SUSD5: variants seen among roughly 807,000 people sequenced by gnomAD.
SUSD5 encodes sushi domain-containing protein 5.
A neutral mutation model predicts 29.5 loss-of-function variants in SUSD5; 33 were observed. The observed-to-expected ratio is 1.12, with a 90% CI of 0.85 to 1.49. SUSD5 has a LOEUF of 1.49. Among genes scored for constraint, SUSD5 ranks in the 40% most tolerant of loss-of-function variants. The pLI is 0.00. For missense variants in SUSD5, 776 were observed against 800.6 expected, an observed-to-expected ratio of 0.97 and a Z score of 0.37; for synonymous variants, 308 against 325.3, an observed-to-expected ratio of 0.95 and a Z score of 0.57.
At chr3:33,211,906 T>C (rs1042258409) in intron 2 of SUSD5, among the ~76,000 whole-genome samples, 7 of 152,168 alleles carry the variant, frequency 4.6e-5, no homozygotes, top group Non-Finnish European at 8.8e-5. Context: ...TTTGAGTTGA[T>C]TTTTATATGA....
intron 4 of SUSD5, among the ~76,000 whole-genome samples, chr3:33,170,784 G>A (rs572279695): frequency 6.6e-6 from 1 of 152,332 alleles, no homozygotes; most frequent in South Asian, 2.1e-4. Context: ...GACAGTTGAA[G>A]TCACAGGCTG....
Position 33,153,510 on chromosome 3 carries a change from GT to G in SUSD5, c.1121del (p.Tyr374SerfsTer3). On this transcript the variant is annotated frameshift_variant, in exon 5 of 5. Coordinates refer to ENST00000309558, the MANE Select transcript of SUSD5 (RefSeq NM_015551.2). LOFTEE classifies it low-confidence loss of function (END_TRUNC). ...SSSDESWLDG[Y>X]PVTEGAWRKT... is the part of the protein sequence containing the mutation. ...TCCTCCAAGCCCCCTCTGTCACAGG[GT>G]AGCCATCTAACCAGGACTCATCACT... 6.2e-7 allele frequency: 1 copy of G among 1,613,956 alleles called. No homozygotes were observed. Among genetic ancestry groups the G allele is most frequent in the Non-Finnish European group, 8.5e-7 (1 of 1,179,970 alleles).
At chr3:33,183,829 TTTA>T (rs535025609) in intron 3 of SUSD5, among the ~76,000 whole-genome samples, 82 of 152,160 alleles carry the variant, frequency 5.4e-4, no homozygotes, top group African/African-American at 1.9e-3. Context: ...TGAGAAAGCC[TTTA>T]TTTCTCTTTC....
chr3:33,196,494 T>A (rs1290490583), intron 3 of SUSD5, among the ~76,000 whole-genome samples: 1 of 151,880 alleles, frequency 6.6e-6, no homozygotes, highest in Non-Finnish European at 1.5e-5. Context: ...CCCCTTGCCC[T>A]AACACAGACA....
intron 4 of SUSD5, among the ~76,000 whole-genome samples, chr3:33,172,895 T>C (rs1238684949): frequency 6.6e-6 from 1 of 152,202 alleles, no homozygotes; most frequent in Admixed American, 6.5e-5. Flanking sequence ...ACAAAAAATG[T>C]GTAAGAGTTC....
In SUSD5 at chr3:33,175,073, C is replaced by T; in HGVS notation, c.411G>A (p.Glu137=). The stretch of plus-strand genomic sequence containing the variant: ...ACGAAGGCGGGTCTCCACACGGCTT[C>T]TCTGAGGAGAAGGAATCACAGTTAG... ...TYSALCIKDE[E]KPCGDPPSFP... The change falls in exon 4 of 5, where the codon GAG becomes GAA. Residue 137 remains glutamate, a splice_region_variant and synonymous_variant. Transcript: ENST00000309558. 3 of 1,613,898 alleles carry T rather than the reference C, an allele frequency of 1.9e-6. No homozygotes were observed. The highest frequency in any genetic ancestry group is 2.5e-6 in the Non-Finnish European group (3 of 1,179,804).
At chr3:33,205,406 T>G (rs1197656368) in intron 3 of SUSD5, among the ~76,000 whole-genome samples, 2 of 152,206 alleles carry the variant, frequency 1.3e-5, no homozygotes, top group African/African-American at 4.8e-5. Flanking sequence ...TGGTTAATTT[T>G]TCCTTGTGAT....
At chr3:33,208,087 TCTA>T (rs2032256444) in intron 2 of SUSD5, among the ~76,000 whole-genome samples, 161 bp from the exon 3 acceptor site, 1 of 151,878 alleles carries the variant, frequency 6.6e-6, no homozygotes, top group Non-Finnish European at 1.5e-5. Flanking sequence ...AAAAAAAAGG[TCTA>T]AATTCAGAAA....
chr3:33,174,858 G>A (rs4257493), intron 4 of SUSD5, 28 bp downstream of exon 4: 259,863 of 1,609,648 alleles, frequency 0.16, 22,045 homozygotes, highest in South Asian at 0.23. Context: ...GTGGGCACGC[G>A]AAGGTGGCCC....
chr3:33,184,836 G>C (rs1207580732), intron 3 of SUSD5, among the ~76,000 whole-genome samples: 1 of 152,180 alleles, frequency 6.6e-6, no homozygotes, highest in Admixed American at 6.5e-5. Flanking sequence ...AATGCCCTGA[G>C]CATAGTTATC....
At chr3:33,161,955 G>C (rs182885656) in intron 4 of SUSD5, among the ~76,000 whole-genome samples, 1 of 152,160 alleles carries the variant, frequency 6.6e-6, no homozygotes, top group East Asian at 1.9e-4. Context: ...ATATAGATTT[G>C]AACAACACAT....
At chr3:33,164,699 T>C (rs561316062) in intron 4 of SUSD5, among the ~76,000 whole-genome samples, 1 of 151,922 alleles carries the variant, frequency 6.6e-6, no homozygotes, top group Admixed American at 6.6e-5. Flanking sequence ...AGTAGAAAAA[T>C]GGGCAGGAGA....
At chr3:33,200,899 C>G (rs907862402) in intron 3 of SUSD5, among the ~76,000 whole-genome samples, 8 of 151,998 alleles carry the variant, frequency 5.3e-5, no homozygotes, top group African/African-American at 1.9e-4. Context: ...AAATCTCTAA[C>G]CAAAGTTTGA....
chr3:33,182,150 T>C (rs773247823), intron 3 of SUSD5, among the ~76,000 whole-genome samples: 50 of 152,342 alleles, frequency 3.3e-4, no homozygotes, highest in Non-Finnish European at 6.5e-4. Context: ...GTTAAAAATA[T>C]TTTAAAATTC....
chr3:33,191,966 A>T (rs556747785), intron 3 of SUSD5, among the ~76,000 whole-genome samples: 153 of 152,306 alleles, frequency 1.0e-3, no homozygotes, highest in Non-Finnish European at 1.5e-3. Context: ...TTATATACCT[A>T]CAAGTGGCAT....
At chr3:33,193,264 T>C (rs1270088478) in intron 3 of SUSD5, among the ~76,000 whole-genome samples, 1 of 152,182 alleles carries the variant, frequency 6.6e-6, no homozygotes, top group Non-Finnish European at 1.5e-5. Context: ...ACAACACTAT[T>C]TGCATTGTAG....
chr3:33,165,387 T>A (rs1398613308), intron 4 of SUSD5, among the ~76,000 whole-genome samples: 1 of 152,002 alleles, frequency 6.6e-6, no homozygotes, highest in Non-Finnish European at 1.5e-5. Flanking sequence ...GCACCAGGAG[T>A]GTTTCTGGAT....
intron 4 of SUSD5, among the ~76,000 whole-genome samples, chr3:33,171,783 T>A (rs1219365226): frequency 6.6e-6 from 1 of 152,188 alleles, no homozygotes; most frequent in Non-Finnish European, 1.5e-5. Context: ...ACATGTTAGC[T>A]TTCATTTACT....
chr3:33,173,908 G>T (rs1334715182), intron 4 of SUSD5, among the ~76,000 whole-genome samples: 1 of 152,182 alleles, frequency 6.6e-6, no homozygotes, highest in Non-Finnish European at 1.5e-5. Context: ...CTGTTGGGGT[G>T]GGGAGGCCAG....
Sources: allele counts gnomAD v4.1 joint callset (sites outside exome capture counted in the v4.1 genomes callset), GRCh38; gene constraint gnomAD v4.1.1; transcripts MANE v1.5; gene names NCBI Gene and HGNC (gene_info 2026-07-23, HGNC 2026-07-21).